PCDHA4: variants seen among roughly 807,000 people sequenced by gnomAD.
PCDHA4 encodes the protein protocadherin alpha-4.
Under a neutral mutation model 61.4 loss-of-function variants are expected in PCDHA4, and 49 were observed. That is an observed-to-expected ratio of 0.80 (90% CI 0.63 to 1.01). The LOEUF (loss-of-function observed/expected upper bound fraction) is 1.01, where lower values mean the gene tolerates loss of function less well. PCDHA4 is among the 50% of genes least tolerant of loss of function. PCDHA4 has a pLI of 0.00. For synonymous variants in PCDHA4, 590 were observed against 550.3 expected (o/e 1.07, Z -1.01); for missense variants, 1,254 against 1,235.8 (o/e 1.01, Z -0.22).
At chr5:140,830,320 C>T (rs2150184888) in intron 1 of PCDHA4, 13 of 1,613,872 alleles carry the variant, frequency 8.1e-6, no homozygotes, top group African/African-American at 2.7e-5. Flanking sequence ...TGTGCTCCAG[C>T]GCAGTGGGGA....
intron 1 of PCDHA4, among the ~76,000 whole-genome samples, chr5:140,945,500 T>A (rs2093799104): frequency 6.6e-6 from 1 of 152,046 alleles, no homozygotes; most frequent in South Asian, 2.1e-4. Flanking sequence ...CAAAGCAATA[T>A]TGAGCAAAGT....
rs371820170 is a variant in PCDHA4, at chr5:140,871,346, C to T, written c.2385+61774C>T. 1.1e-5 allele frequency: 17 copies of T among 1,614,104 alleles called. No homozygotes were observed. Among genetic ancestry groups the T allele is most frequent in the African/African-American group, 4.0e-5 (3 of 74,954 alleles). ...TGCTCCCGCGCGGTGGGGAGCTGGT[C>T]ATACTCGCAGCAGAGGCGGCAGAGG... is the stretch of plus-strand genomic sequence containing the variant. On this transcript the variant is annotated intron_variant, in intron 1 of 3. Transcript: ENST00000530339.
intron 1 of PCDHA4, chr5:140,822,506 C>T (rs2150116897): frequency 2.5e-6 from 4 of 1,613,830 alleles, no homozygotes; most frequent in Non-Finnish European, 2.5e-6. Flanking sequence ...TTTGATAAAT[C>T]CATTTATAAT....
At chr5:140,997,399 C>T (rs1453624678) in intron 3 of PCDHA4, among the ~76,000 whole-genome samples, 1 of 152,118 alleles carries the variant, frequency 6.6e-6, no homozygotes, top group Non-Finnish European at 1.5e-5. Flanking sequence ...TAGGCTCTAT[C>T]GTATGGCCTA....
chr5:140,841,373 C>T, intron 1 of PCDHA4: 1 of 1,613,502 alleles, frequency 6.2e-7, no homozygotes, highest in East Asian at 2.2e-5. Flanking sequence ...ACTACTCTTG[C>T]TTCTGCTCCT....
chr5:140,853,963 A>G (rs1458848768), intron 1 of PCDHA4: 2 of 685,274 alleles, frequency 2.9e-6, no homozygotes, highest in African/African-American at 2.0e-5. Flanking sequence ...CCTTGAGCCC[A>G]GCAGTTTGAG....
rs142468733 is a variant in PCDHA4 at position 140,884,535 on chromosome 5, C to G, written c.2385+74963C>G. 4,368 of 1,614,034 alleles carry G rather than the reference C, an allele frequency of 2.7e-3. 82 individuals are homozygous for G. The South Asian group carries it at 0.038, about 14-fold the overall frequency. On this transcript the variant is annotated intron_variant, in intron 1 of 3. Coordinates refer to ENST00000530339, the MANE Select transcript of PCDHA4 (RefSeq NM_018907.4). ...TGGTCGTACTCGCAGCAGAGGCGGC[C>G]GAGGGTGTGCTCTGGGGAGGGCCCG...
At chr5:140,848,789 G>A in intron 1 of PCDHA4, 1 of 1,593,198 alleles carries the variant, frequency 6.3e-7, no homozygotes, top group East Asian at 2.2e-5. Flanking sequence ...TGTGCGGGCG[G>A]AGCGCGGAGT....
At chr5:140,927,619 C>T (rs2084429859) in intron 1 of PCDHA4, 3 of 1,614,170 alleles carry the variant, frequency 1.9e-6, no homozygotes, top group Non-Finnish European at 2.5e-6. Flanking sequence ...CACCAAGGTT[C>T]CAGAGACTGC....
At chr5:140,835,693 C>T (rs1773848999) in intron 1 of PCDHA4, 1 of 1,613,754 alleles carries the variant, frequency 6.2e-7, no homozygotes, top group African/African-American at 1.3e-5. Flanking sequence ...TCTCTGTGGG[C>T]CACTGCTAGC....
intron 1 of PCDHA4, chr5:140,851,289 A>G (rs987859417): frequency 9.6e-7 from 1 of 1,037,038 alleles, no homozygotes; most frequent in South Asian, 4.4e-5. Flanking sequence ...AAGAAACCCA[A>G]GCAAAAATAT....
At chr5:140,923,753 T>C (rs1554201575) in intron 1 of PCDHA4, among the ~76,000 whole-genome samples, 1 of 152,174 alleles carries the variant, frequency 6.6e-6, no homozygotes. Flanking sequence ...AGGCATATGG[T>C]GGGACAAATC....
chr5:140,836,171 A>G lies in PCDHA4; in HGVS notation c.2385+26599A>G, dbSNP rs2150254615. 35 of 1,613,728 alleles carry G rather than the reference A, an allele frequency of 2.2e-5. 2 individuals carry two copies. The South Asian group carries it at 2.5e-4, about 12-fold the overall frequency. On this transcript the variant is annotated intron_variant, in intron 1 of 3. Transcript: ENST00000530339. The stretch of plus-strand genomic sequence containing the variant: ...GCCATGTGGTGGCGAAGGTACGTGC[A>G]GTTGACGCTGACTCAGGCTACAACG...
rs782295059 is a variant in PCDHA4 at position 140,883,240 on chromosome 5, C to A, written c.2385+73668C>A. The A allele has an allele frequency of 3.7e-6, 6 of 1,613,998 alleles. No homozygotes were observed. The Admixed American group carries it at 1.0e-4, about 27-fold the overall frequency. ...ATGAAATATCCGTGGAGGCAGTTGA[C>A]AAAGGAAATATTCCAATGGCGGGTC... On this transcript the variant is annotated intron_variant, in intron 1 of 3. Coordinates refer to ENST00000530339, the MANE Select transcript of PCDHA4 (RefSeq NM_018907.4).
chr5:140,909,711 A>G (rs1473634057), intron 1 of PCDHA4, among the ~76,000 whole-genome samples: 1 of 152,122 alleles, frequency 6.6e-6, no homozygotes, highest in Non-Finnish European at 1.5e-5. Context: ...TGCTAAGTAT[A>G]CCTATGCCAA....
chr5:140,872,623 T>C (rs960064096), intron 1 of PCDHA4, among the ~76,000 whole-genome samples: 3 of 152,152 alleles, frequency 2.0e-5, no homozygotes, highest in African/African-American at 4.8e-5. Flanking sequence ...TTGCCTGTTC[T>C]TGATTTTGTT....
chr5:140,982,649 G>T, intron 3 of PCDHA4, 86 bp downstream of exon 3: 2 of 1,504,320 alleles, frequency 1.3e-6, no homozygotes, highest in South Asian at 1.3e-5. Context: ...AATGTTGATG[G>T]CTCTTTTTCT....
At chr5:140,856,867 C>A (rs1554149232) in intron 1 of PCDHA4, 1 of 1,595,186 alleles carries the variant, frequency 6.3e-7, no homozygotes. Context: ...AAGGAATAAA[C>A]AAGGAAATGA....
chr5:140,955,677 G>A (rs989922322), intron 1 of PCDHA4, among the ~76,000 whole-genome samples: 6 of 151,960 alleles, frequency 3.9e-5, no homozygotes, highest in African/African-American at 1.2e-4. Context: ...TAGTTTTTTC[G>A]AAATCTGTGA....
Sources: gnomAD v4.1 joint callset for allele counts (sites outside exome capture counted in the v4.1 genomes callset) on GRCh38, gnomAD v4.1.1 for gene constraint, MANE v1.5 for transcripts, NCBI Gene and HGNC (gene_info 2026-07-23, HGNC 2026-07-21) for gene names.